DEFB121: variants seen among roughly 807,000 people sequenced by gnomAD.
The protein encoded by DEFB121 is defensin beta 121.
DEFB121 carries 5 observed loss-of-function variants against 2.5 expected under a neutral mutation model. That is an observed-to-expected ratio of 1.96 (90% CI 1.03 to 4.13). The LOEUF (loss-of-function observed/expected upper bound fraction) is 4.13. Among genes scored for constraint, DEFB121 ranks in the 30% most tolerant of loss-of-function variants. The probability of loss-of-function intolerance (pLI) is 0.00; values close to 1 mark genes in which losing one functional copy is unlikely to be tolerated. For synonymous variants in DEFB121, 39 were observed against 32.6 expected (o/e 1.20, Z -0.67); for missense variants, 87 against 85.0 (o/e 1.02, Z -0.09).
At chr20:31,416,123 C>T (rs888819645), upstream of DEFB121, among the ~76,000 whole-genome samples, 7 of 152,030 alleles carry the variant, frequency 4.6e-5, no homozygotes, top group Non-Finnish European at 7.4e-5. Flanking sequence ...TTCAGTGGCA[C>T]GATCTCGGCT....
chr20:31,406,884 C>G (rs1012616854), upstream of DEFB121, among the ~76,000 whole-genome samples: 35 of 152,066 alleles, frequency 2.3e-4, no homozygotes, highest in African/African-American at 8.5e-4. Flanking sequence ...ACTGGAACCT[C>G]GAATTCCTGG....
chr20:31,412,821 C>T, exon 1 of DEFB121: 2 of 459,440 alleles, frequency 4.4e-6, no homozygotes, highest in Middle Eastern at 7.3e-4. Flanking sequence ...CACCCAGAGT[C>T]GAGGCTCAAG....
chr20:31,408,306 G>T (rs919121152), upstream of DEFB121, among the ~76,000 whole-genome samples: 2 of 152,046 alleles, frequency 1.3e-5, no homozygotes, highest in Non-Finnish European at 2.9e-5. Flanking sequence ...GTTTTAAATA[G>T]CCGGGCATGG....
intron 1 of DEFB121, among the ~76,000 whole-genome samples, chr20:31,411,298 T>A (rs1375467100): frequency 6.6e-6 from 1 of 152,230 alleles, no homozygotes; most frequent in Non-Finnish European, 1.5e-5. Context: ...TCTTAACTTC[T>A]ACTGATATCC....
chr20:31,412,822 G>A (rs1464435065), exon 1 of DEFB121: 6 of 441,562 alleles, frequency 1.4e-5, no homozygotes, highest in Non-Finnish European at 2.0e-5. Context: ...ACCCAGAGTC[G>A]AGGCTCAAGG....
intron 1 of DEFB121, among the ~76,000 whole-genome samples, chr20:31,405,417 C>T (rs1177128698): frequency 6.6e-6 from 1 of 152,158 alleles, no homozygotes; most frequent in Non-Finnish European, 1.5e-5. Context: ...ATAATGTACC[C>T]AGGTGCCCAG....
chr20:31,405,140 G>A, intron 1 of DEFB121, 55 bp from the exon 2 acceptor site: 7 of 1,539,368 alleles, frequency 4.5e-6, no homozygotes, highest in Non-Finnish European at 6.1e-6. Flanking sequence ...AAGCAGAAAG[G>A]TGTGAAAGGA....
At chr20:31,407,070 AC>A (rs534388290), upstream of DEFB121, among the ~76,000 whole-genome samples, 258 of 151,742 alleles carry the variant, frequency 1.7e-3, no homozygotes, top group African/African-American at 6.0e-3. Flanking sequence ...ACTCAGTGAA[AC>A]CCCGTCTCTA....
upstream of DEFB121, among the ~76,000 whole-genome samples, chr20:31,408,896 A>G (rs573113806): frequency 6.6e-6 from 1 of 152,076 alleles, no homozygotes; most frequent in African/African-American, 2.4e-5. Flanking sequence ...TGGGGTGGTG[A>G]GCAACTGTAA....
chr20:31,406,717 T>C (rs182610730), upstream of DEFB121, among the ~76,000 whole-genome samples: 326 of 152,320 alleles, frequency 2.1e-3, 3 homozygotes, highest in African/African-American at 7.3e-3. Flanking sequence ...CCCTTACTTT[T>C]AACAGTACAT....
upstream of DEFB121, among the ~76,000 whole-genome samples, chr20:31,409,919 G>A (rs1378497907): frequency 1.3e-5 from 2 of 152,114 alleles, no homozygotes; most frequent in African/African-American, 2.4e-5. Flanking sequence ...TGGGGCTGAT[G>A]GGAGGAAGTG....
upstream of DEFB121, among the ~76,000 whole-genome samples, chr20:31,407,497 A>G (rs969570833): frequency 6.6e-6 from 1 of 152,210 alleles, no homozygotes; most frequent in Non-Finnish European, 1.5e-5. Context: ...TGCCATCACT[A>G]TGAGAAGAAC....
chr20:31,406,550 C>A (rs1978488373), upstream of DEFB121, among the ~76,000 whole-genome samples: 1 of 152,126 alleles, frequency 6.6e-6, no homozygotes, highest in South Asian at 2.1e-4. Context: ...TTCTTCCCAG[C>A]AACAAGGACA....
chr20:31,415,206 C>A (rs1978773532), upstream of DEFB121, among the ~76,000 whole-genome samples: 2 of 150,652 alleles, frequency 1.3e-5, no homozygotes, highest in African/African-American at 4.9e-5. Context: ...AAAATAAAAT[C>A]TTTGAAAAAC....
At chr20:31,408,357 C>A (rs1441697147), upstream of DEFB121, among the ~76,000 whole-genome samples, 1 of 152,060 alleles carries the variant, frequency 6.6e-6, no homozygotes, top group Non-Finnish European at 1.5e-5. Context: ...GAGGCTGAGG[C>A]AGGAAAATCA....
intron 1 of DEFB121, chr20:31,412,591 G>A: frequency 7.8e-7 from 1 of 1,288,464 alleles, no homozygotes; most frequent in Non-Finnish European, 1.0e-6. Context: ...CTGACAACTG[G>A]TAGTTACTGT....
chr20:31,418,474 G>A, the DEFB121 span, among the ~76,000 whole-genome samples: 2 of 152,164 alleles, frequency 1.3e-5, no homozygotes, highest in South Asian at 2.1e-4. Flanking sequence ...GCTGAAACAG[G>A]GAAGAGGCAC....
chr20:31,404,856 G>T lies in DEFB121; in HGVS notation c.*57C>A, dbSNP rs1305539158. The stretch of plus-strand genomic sequence containing the variant: ...ACAGAAACAGGGTGTTGCCAAGAAT[G>T]ATTTAATAGAACTGCAGGATCCCAT... On this transcript the variant is annotated 3_prime_UTR_variant, in exon 2 of 2. Coordinates refer to ENST00000376314, the MANE Select transcript of DEFB121 (RefSeq NM_001011878.3). 3 of 1,582,484 alleles carry T rather than the reference G, an allele frequency of 1.9e-6. No individual in the cohort carries two copies. The highest frequency in any genetic ancestry group is 2.6e-6 in the Non-Finnish European group (3 of 1,163,558).
upstream of DEFB121, among the ~76,000 whole-genome samples, chr20:31,414,038 C>T (rs1316192482): frequency 1.3e-5 from 2 of 152,038 alleles, no homozygotes; most frequent in African/African-American, 4.8e-5. Flanking sequence ...AGAAACCCTG[C>T]CTCAACTAAA....
Sources: allele counts gnomAD v4.1 joint callset (sites outside exome capture counted in the v4.1 genomes callset), GRCh38; gene constraint gnomAD v4.1.1; transcripts MANE v1.5; gene names NCBI Gene and HGNC (gene_info 2026-07-23, HGNC 2026-07-21).